The following MYBL1 variants were observed in gnomAD, a reference collection of about 807,000 sequenced individuals.
MYBL1 encodes the protein MYB proto-oncogene like 1.
A neutral mutation model predicts 96.3 loss-of-function variants in MYBL1; 17 were observed. That is an observed-to-expected ratio of 0.18 (90% CI 0.12 to 0.26). The LOEUF is 0.26. MYBL1 is among the 10% of genes least tolerant of loss of function. The pLI, the probability that MYBL1 is intolerant of heterozygous loss-of-function variation, is 1.00. For missense variants in MYBL1, 701 were observed against 882.9 expected, an observed-to-expected ratio of 0.79 and a Z score of 2.61; for synonymous variants, 282 against 292.7, an observed-to-expected ratio of 0.96 and a Z score of 0.37.
Position 66,576,041 on chromosome 8 carries a change from G to A in MYBL1, c.1436C>T (p.Thr479Ile), listed in dbSNP as rs373484712. 125 of 1,613,778 alleles carry A rather than the reference G, an allele frequency of 7.7e-5. No individual in the cohort carries two copies. Among genetic ancestry groups the A allele is most frequent in the Non-Finnish European group, 9.7e-5 (115 of 1,179,848 alleles). Reference protein sequence around the residue: ...NDGGNMALKHTPLKTLPFSPS... With the variant: ...NDGGNMALKHIPLKTLPFSPS... ...AGAAAATGGTAGTGTTTTCAGTGGT[G>A]TATGTTTTAGCGCCATATTACCACC... Residue 479 changes from threonine (T) to isoleucine (I), a missense_variant, in exon 10 of 16, where the codon ACA (threonine) becomes ATA (isoleucine). Coordinates refer to ENST00000522677, the MANE Select transcript of MYBL1 (RefSeq NM_001080416.4).
intron 1 of MYBL1, among the ~76,000 whole-genome samples, chr8:66,610,717 TCTA>T: frequency 6.6e-6 from 1 of 152,268 alleles, no homozygotes; most frequent in East Asian, 1.9e-4. Context: ...AAGCAGAGCA[TCTA>T]CTATCTTCTA....
At chr8:66,577,445 G>C (rs1388913195) in intron 9 of MYBL1, among the ~76,000 whole-genome samples, 1 of 150,276 alleles carries the variant, frequency 6.7e-6, no homozygotes, top group Non-Finnish European at 1.5e-5. Flanking sequence ...CAGACAAACA[G>C]AGAGCCAAAT....
chr8:66,587,360 T>C (rs768430509), intron 8 of MYBL1, among the ~76,000 whole-genome samples: 2 of 151,642 alleles, frequency 1.3e-5, no homozygotes, highest in Admixed American at 6.6e-5. Flanking sequence ...TTAAAAATAA[T>C]AATAAAAGCA....
chr8:66,611,375 T>C (rs192771792), intron 1 of MYBL1, among the ~76,000 whole-genome samples: 18 of 152,352 alleles, frequency 1.2e-4, no homozygotes, highest in Admixed American at 9.1e-4. Flanking sequence ...ACAAGAGCTT[T>C]AAATATCTAT....
chr8:66,607,920 C>T (rs909947406), intron 1 of MYBL1, among the ~76,000 whole-genome samples: 4 of 152,190 alleles, frequency 2.6e-5, no homozygotes, highest in African/African-American at 9.6e-5. Context: ...TCCCTCTCTT[C>T]AGATCCTCAA....
chr8:66,597,696 T>C (rs149440724), intron 4 of MYBL1, 146 bp from the exon 5 acceptor site: 50 of 590,240 alleles, frequency 8.5e-5, no homozygotes, highest in East Asian at 4.1e-4. Flanking sequence ...AATACCCCTT[T>C]AGCATTTGCC....
chr8:66,608,232 A>G (rs957274543), intron 1 of MYBL1, among the ~76,000 whole-genome samples: 17 of 152,076 alleles, frequency 1.1e-4, no homozygotes, highest in African/African-American at 4.1e-4. Context: ...AGAAATTTCT[A>G]TTTCTACATG....
intron 7 of MYBL1, 97 bp from the exon 8 acceptor site, chr8:66,592,641 T>C (rs1809695467): frequency 4.3e-6 from 3 of 697,276 alleles, no homozygotes; most frequent in Admixed American, 6.4e-5. Flanking sequence ...ACATGAAATA[T>C]ACTTTTTCTA....
In MYBL1 at chr8:66,609,376, G is replaced by A. The variant is rs114191309; in HGVS notation, c.20+3443C>T. Among the ~76,000 whole-genome samples the A allele has an allele frequency of 8.6e-3, 1,310 of 151,792 alleles. 13 individuals are homozygous for A. The highest frequency in any genetic ancestry group is 0.024 in the Middle Eastern group (7 of 294). On this transcript the variant is annotated intron_variant, in intron 1 of 15. Coordinates refer to ENST00000522677, the MANE Select transcript of MYBL1 (RefSeq NM_001080416.4). ...TGCTCTAGTAAAATCGCATCAAGTT[G>A]ATAATATTTTTAATCACAAATTAAC...
chr8:66,607,135 A>AC (rs1392003791), intron 1 of MYBL1, among the ~76,000 whole-genome samples: 155 of 145,418 alleles, frequency 1.1e-3, no homozygotes, highest in Non-Finnish European at 1.9e-3. Context: ...ACAACAAAAA[A>AC]AAAAAAAAAA....
At chr8:66,584,810 T>C (rs1482600851) in intron 8 of MYBL1, among the ~76,000 whole-genome samples, 2 of 151,310 alleles carry the variant, frequency 1.3e-5, no homozygotes, top group Non-Finnish European at 3.0e-5. Context: ...AAAAATAAAA[T>C]ACGTAGGATA....
At chr8:66,590,517 G>A (rs780819943) in intron 8 of MYBL1, among the ~76,000 whole-genome samples, 35 of 151,398 alleles carry the variant, frequency 2.3e-4, no homozygotes, top group Middle Eastern at 3.4e-3. Context: ...AGCTACTCAG[G>A]AGGCTGAGGC....
At chr8:66,566,814 C>T in intron 13 of MYBL1, 26 bp from the exon 14 acceptor site, 1 of 1,591,924 alleles carries the variant, frequency 6.3e-7, no homozygotes, top group African/African-American at 1.3e-5. Context: ...TATGTAGAAG[C>T]TTTATGGCAA....
chr8:66,585,662 A>G (rs571617752), intron 8 of MYBL1, among the ~76,000 whole-genome samples: 22 of 152,014 alleles, frequency 1.4e-4, no homozygotes, highest in Non-Finnish European at 2.8e-4. Context: ...AGAACCTCCA[A>G]AAGGCGGAGG....
At chr8:66,596,576 A>G (rs1809858256) in intron 5 of MYBL1, among the ~76,000 whole-genome samples, 1 of 152,180 alleles carries the variant, frequency 6.6e-6, no homozygotes, top group African/African-American at 2.4e-5. Flanking sequence ...TATCTTATCT[A>G]TAAAACAAAG....
At chr8:66,590,380 A>C (rs1563541896) in intron 8 of MYBL1, among the ~76,000 whole-genome samples, 1 of 152,170 alleles carries the variant, frequency 6.6e-6, no homozygotes, top group Non-Finnish European at 1.5e-5. Context: ...GTACTTTGGG[A>C]GGCCAAGGTG....
At chr8:66,605,125 A>G (rs953104315) in intron 1 of MYBL1, among the ~76,000 whole-genome samples, 1 of 152,246 alleles carries the variant, frequency 6.6e-6, no homozygotes, top group African/African-American at 2.4e-5. Flanking sequence ...TAATCATTTC[A>G]ACATGTAATC....
intron 4 of MYBL1, 38 bp downstream of exon 4, chr8:66,599,012 T>C: frequency 7.7e-7 from 1 of 1,303,398 alleles, no homozygotes; most frequent in Non-Finnish European, 1.0e-6. Context: ...AAAGCTAGTC[T>C]ACCTACATAG....
At chr8:66,610,714 G>A (rs1255907016) in intron 1 of MYBL1, among the ~76,000 whole-genome samples, 1 of 152,044 alleles carries the variant, frequency 6.6e-6, no homozygotes, top group Non-Finnish European at 1.5e-5. Flanking sequence ...CAAAAGCAGA[G>A]CATCTACTAT....
Sources: gnomAD v4.1 joint callset for allele counts (sites outside exome capture counted in the v4.1 genomes callset) on GRCh38, gnomAD v4.1.1 for gene constraint, MANE v1.5 for transcripts, NCBI Gene and HGNC (gene_info 2026-07-23, HGNC 2026-07-21) for gene names.